PBX1: variants seen among roughly 807,000 people sequenced by gnomAD.
PBX1 encodes pre-B-cell leukemia transcription factor 1.
In PBX1, 6 loss-of-function variants were observed where a neutral mutation model predicts 53.4. The observed-to-expected ratio is 0.11, with a 90% CI of 0.06 to 0.22. The LOEUF (loss-of-function observed/expected upper bound fraction) is 0.22. Ranked by LOEUF, PBX1 falls within the 10% of genes least tolerant of loss-of-function variation. The pLI is 1.00. For synonymous variants in PBX1, 204 were observed against 212.3 expected, an observed-to-expected ratio of 0.96 and a Z score of 0.34; for missense variants, 251 against 551.4, an observed-to-expected ratio of 0.46 and a Z score of 5.46.
intron 2 of PBX1, among the ~76,000 whole-genome samples, chr1:164,588,888 C>T (rs1392203460): frequency 6.6e-6 from 1 of 152,158 alleles, no homozygotes; most frequent in East Asian, 1.9e-4. Flanking sequence ...TTTCTACCCT[C>T]CTAACCCTCT....
intron 5 of PBX1, among the ~76,000 whole-genome samples, chr1:164,808,743 C>G (rs1038143067): frequency 2.0e-5 from 3 of 152,144 alleles, no homozygotes; most frequent in Non-Finnish European, 2.9e-5. Flanking sequence ...ATATAGAGCT[C>G]CACAAAAGTA....
chr1:164,580,894 C>T (rs1287138691), intron 2 of PBX1, among the ~76,000 whole-genome samples: 1 of 152,112 alleles, frequency 6.6e-6, no homozygotes, highest in African/African-American at 2.4e-5. Context: ...ATCCACCTGA[C>T]TTCTTTCAGG....
chr1:164,695,937 T>C (rs920526139), intron 2 of PBX1, among the ~76,000 whole-genome samples: 1 of 152,188 alleles, frequency 6.6e-6, no homozygotes, highest in South Asian at 2.1e-4. Context: ...GACTTCCCTA[T>C]GAAATGGTGG....
At chr1:164,690,917 C>T (rs1423338255) in intron 2 of PBX1, among the ~76,000 whole-genome samples, 1 of 151,952 alleles carries the variant, frequency 6.6e-6, no homozygotes, top group Non-Finnish European at 1.5e-5. Context: ...TCACAAAGTC[C>T]CTGAGTGCCC....
intron 2 of PBX1, among the ~76,000 whole-genome samples, chr1:164,870,305 C>CTTTG (rs1179607112): frequency 1.5e-5 from 1 of 66,790 alleles, no homozygotes; most frequent in Non-Finnish European, 2.9e-5. Flanking sequence ...TTCTTTCTTT[C>CTTTG]TTTCTTTCTT....
intron 2 of PBX1, among the ~76,000 whole-genome samples, chr1:164,664,092 T>TA (rs1300973872): frequency 6.6e-6 from 1 of 152,226 alleles, no homozygotes; most frequent in African/African-American, 2.4e-5. Flanking sequence ...TTAATCTACA[T>TA]AACCAAGGGA....
At chr1:164,767,023 G>GT (rs34611646) in intron 2 of PBX1, among the ~76,000 whole-genome samples, 3 of 150,776 alleles carry the variant, frequency 2.0e-5, no homozygotes, top group African/African-American at 7.3e-5. Flanking sequence ...CTTTTATCCT[G>GT]TTTTTTTTTT....
In PBX1 at chr1:164,807,552, C is replaced by T; in HGVS notation, c.712C>T (p.Arg238Trp). The change falls in exon 5 of 9, where the codon CGG (arginine) becomes TGG (tryptophan). Residue 238 changes from arginine (R) to tryptophan (W), a missense_variant. Arg to Trp is a moderately radical substitution (Grantham distance 101). Transcript: ENST00000420696. ...TTTCTCTTTACAAAGGCGGAAGAGA[C>T]GGAATTTCAACAAGCAAGCGACAGA... The part of the protein sequence containing the change: ...SRFLDARRKR[R>W]NFNKQATEIL... 6.2e-7 allele frequency: 1 copy of T among 1,612,974 alleles called. No individual in the cohort carries two copies. The highest frequency in any genetic ancestry group is 8.5e-7 in the Non-Finnish European group (1 of 1,179,434).
chr1:164,657,286 A>T (rs549116851), intron 2 of PBX1: 2 of 152,228 alleles, frequency 1.3e-5, no homozygotes, highest in Non-Finnish European at 2.9e-5. Flanking sequence ...TGCATCATAC[A>T]TTGGTATCTA....
chr1:164,612,984 A>C (rs1402948289), intron 2 of PBX1, among the ~76,000 whole-genome samples: 1 of 152,228 alleles, frequency 6.6e-6, no homozygotes, highest in Non-Finnish European at 1.5e-5. Flanking sequence ...TAAATGAGTT[A>C]ATGTATACAA....
chr1:164,838,251 G>T (rs182536095), intron 8 of PBX1, among the ~76,000 whole-genome samples: 1 of 152,130 alleles, frequency 6.6e-6, no homozygotes, highest in Non-Finnish European at 1.5e-5. Flanking sequence ...TTACTCTTAG[G>T]TCTTAGACCA....
intron 2 of PBX1, among the ~76,000 whole-genome samples, chr1:164,644,132 C>A (rs957856965): frequency 3.3e-5 from 5 of 152,190 alleles, no homozygotes; most frequent in African/African-American, 1.2e-4. Context: ...CATCATGCTT[C>A]TAATATAGGG....
At chr1:164,767,898 A>G (rs765763549) in intron 2 of PBX1, among the ~76,000 whole-genome samples, 49 of 152,212 alleles carry the variant, frequency 3.2e-4, no homozygotes, top group Non-Finnish European at 5.7e-4. Flanking sequence ...GGGTATTTAA[A>G]TAGAACAAGA....
chr1:164,752,853 A>C (rs1666310155), intron 2 of PBX1, among the ~76,000 whole-genome samples: 1 of 152,224 alleles, frequency 6.6e-6, no homozygotes, highest in Non-Finnish European at 1.5e-5. Flanking sequence ...CCACATTTAC[A>C]TGTATATTTT....
chr1:164,621,624 C>T (rs1657683483), intron 2 of PBX1, among the ~76,000 whole-genome samples: 1 of 152,088 alleles, frequency 6.6e-6, no homozygotes, highest in African/African-American at 2.4e-5. Flanking sequence ...AGAGGCCATC[C>T]CTCTTGTTGC....
At chr1:164,751,833 C>T (rs1488921742) in intron 2 of PBX1, among the ~76,000 whole-genome samples, 2 of 152,082 alleles carry the variant, frequency 1.3e-5, no homozygotes, top group Admixed American at 6.5e-5. Flanking sequence ...TTGCCCACCT[C>T]GGCCTCCCAA....
At chr1:164,829,768 T>G (rs187963582) in intron 8 of PBX1, 33 of 151,628 alleles carry the variant, frequency 2.2e-4, no homozygotes, top group Non-Finnish European at 3.7e-4. Flanking sequence ...CCCAGAACTT[T>G]AAATAAAAGT....
intron 2 of PBX1, among the ~76,000 whole-genome samples, chr1:164,787,429 G>A (rs1041028171): frequency 1.3e-5 from 2 of 151,944 alleles, no homozygotes; most frequent in Non-Finnish European, 2.9e-5. Context: ...CATTCCCCCA[G>A]CATGAACCTG....
At chr1:164,697,900 G>A (rs373876989) in intron 2 of PBX1, among the ~76,000 whole-genome samples, 5 of 152,314 alleles carry the variant, frequency 3.3e-5, no homozygotes, top group African/African-American at 9.6e-5. Flanking sequence ...TAGACAAGAA[G>A]AGACGTATCA....
Sources: allele counts gnomAD v4.1 joint callset (sites outside exome capture counted in the v4.1 genomes callset), GRCh38; gene constraint gnomAD v4.1.1; transcripts MANE v1.5; gene names NCBI Gene and HGNC (gene_info 2026-07-23, HGNC 2026-07-21).